The following RNF217 variants were observed in gnomAD, a reference collection of about 807,000 sequenced individuals.
RNF217 encodes the protein E3 ubiquitin-protein ligase RNF217.
A neutral mutation model predicts 57.8 loss-of-function variants in RNF217; 31 were observed. The observed-to-expected ratio is 0.54, with a 90% CI of 0.40 to 0.72. The LOEUF (loss-of-function observed/expected upper bound fraction) is 0.72. Ranked by LOEUF, RNF217 falls within the 30% of genes least tolerant of loss-of-function variation. RNF217 has a pLI of 0.00. For synonymous variants in RNF217, 313 were observed against 294.0 expected (o/e 1.06, Z -0.66); for missense variants, 696 against 708.3 (o/e 0.98, Z 0.20).
intron 1 of RNF217, among the ~76,000 whole-genome samples, chr6:125,035,098 C>T (rs1055195935): frequency 3.3e-5 from 5 of 152,130 alleles, no homozygotes; most frequent in African/African-American, 1.2e-4. Flanking sequence ...AGATTTTGGG[C>T]AGAGACAATG....
At position 125,082,917 on chromosome 6, in the gene RNF217, C is replaced by T. The variant is rs749010970; in HGVS notation, c.1609C>T (p.Arg537Trp). ...CLCKKQRKRS[R>W]TGMHW ...TTGTAAAAAACAGAGAAAACGATCA[C>T]GGACAGGTATGCACTGGTAACATGC... Residue 537 changes from arginine to tryptophan, a missense_variant, in exon 6 of 6, where the codon CGG becomes TGG. By Grantham distance (101) the Arg-to-Trp change is moderately radical (BLOSUM62 -3). Coordinates refer to ENST00000521654, the MANE Select transcript of RNF217 (RefSeq NM_001286398.3). 8.1e-6 allele frequency: 13 copies of T among 1,604,660 alleles called. No individual in the cohort carries two copies. The highest frequency in any genetic ancestry group is 1.7e-4 in the Middle Eastern group (1 of 6,044).
chr6:124,962,736 C>T lies in RNF217; in HGVS notation c.192C>T (p.Thr64=), dbSNP rs776224039. 216 of 1,571,792 alleles carry T rather than the reference C, an allele frequency of 1.4e-4. No individual in the cohort carries two copies. The highest frequency in any genetic ancestry group is 6.9e-4 in the African/African-American group (51 of 73,978). ...GAAGCGACTGGGGCTGCGCGGACAC[C>T]AGCGCCCCAGAGCCCGCGAGGAGCC... is the stretch of plus-strand genomic sequence containing the variant. ...GCGSDWGCAD[T]SAPEPARSLG... is the part of the protein sequence containing the mutation. The change falls in exon 1 of 6, where the codon ACC becomes ACT. Residue 64 remains threonine (T), a synonymous_variant. Coordinates refer to ENST00000521654, the MANE Select transcript of RNF217 (RefSeq NM_001286398.3). The surrounding 1 kb of genome is among the most constrained non-coding windows in gnomAD (Gnocchi z 4.6).
intron 1 of RNF217, among the ~76,000 whole-genome samples, chr6:125,043,663 T>G (rs1057152612): frequency 6.6e-6 from 1 of 152,080 alleles, no homozygotes; most frequent in African/African-American, 2.4e-5. Flanking sequence ...AGTTTTGTCT[T>G]GAGGCAGAAC....
intron 2 of RNF217, among the ~76,000 whole-genome samples, chr6:125,056,195 C>G (rs1480967522): frequency 6.6e-6 from 1 of 152,068 alleles, no homozygotes; most frequent in East Asian, 1.9e-4. Flanking sequence ...GAAAATTATG[C>G]TAAACTTGGA....
chr6:125,028,496 G>C (rs1188134370), intron 1 of RNF217, among the ~76,000 whole-genome samples: 1 of 151,978 alleles, frequency 6.6e-6, no homozygotes, highest in South Asian at 2.1e-4. Context: ...AATGAATATA[G>C]TGCAAAATTT....
In RNF217 at chr6:124,995,884, T is replaced by A. The variant is rs1784731782; in HGVS notation, c.882+32458T>A. Among the ~76,000 whole-genome samples, 2 of 152,046 alleles carry A rather than the reference T, an allele frequency of 1.3e-5. 1 individual carries two copies. The highest frequency in any genetic ancestry group is 4.8e-5 in the African/African-American group (2 of 41,396). The stretch of plus-strand genomic sequence containing the variant: ...TTGCAGTGAGCCGAGATCGTGTCAT[T>A]GCACTCCAGCCTGGGTGATGAGCAA... On this transcript the variant is annotated intron_variant, in intron 1 of 5. Transcript: ENST00000521654.
intron 1 of RNF217, among the ~76,000 whole-genome samples, chr6:124,986,395 G>A (rs966694575): frequency 6.6e-6 from 1 of 152,194 alleles, no homozygotes; most frequent in Non-Finnish European, 1.5e-5. Context: ...TCATATTCAA[G>A]TACTGATCTT....
intron 1 of RNF217, among the ~76,000 whole-genome samples, chr6:125,036,928 A>T (rs960013148): frequency 2.7e-5 from 4 of 149,448 alleles, no homozygotes; most frequent in African/African-American, 9.8e-5. Context: ...ATAAAGCAGG[A>T]AATAACAGAT....
chr6:124,965,301 C>A (rs935455774), intron 1 of RNF217, among the ~76,000 whole-genome samples: 2 of 152,102 alleles, frequency 1.3e-5, no homozygotes, highest in African/African-American at 4.8e-5. Flanking sequence ...TGGCCGGGTG[C>A]GGTGGCTCAC....
At chr6:125,045,563 A>G (rs913232923) in intron 2 of RNF217, 119 bp downstream of exon 2, 2 of 674,470 alleles carry the variant, frequency 3.0e-6, no homozygotes, top group African/African-American at 3.6e-5. Context: ...AGGTGAGCAT[A>G]TATTGGCCAT....
chr6:125,030,267 A>G (rs1236709731), intron 1 of RNF217, among the ~76,000 whole-genome samples: 1 of 152,146 alleles, frequency 6.6e-6, no homozygotes, highest in Non-Finnish European at 1.5e-5. Context: ...GCCAAACCAT[A>G]TCATTCTGCC....
chr6:125,038,372 A>G (rs890341156), intron 1 of RNF217, among the ~76,000 whole-genome samples: 24 of 152,194 alleles, frequency 1.6e-4, no homozygotes, highest in Admixed American at 1.1e-3. Flanking sequence ...GATATATGGT[A>G]TCATGGTTAT....
intron 1 of RNF217, among the ~76,000 whole-genome samples, chr6:125,010,123 TC>T (rs1785362453): frequency 6.6e-6 from 1 of 151,962 alleles, no homozygotes; most frequent in Non-Finnish European, 1.5e-5. Context: ...CTGCATTTGA[TC>T]CATTTCATGT....
intron 1 of RNF217, among the ~76,000 whole-genome samples, chr6:124,984,957 T>G (rs1329042890): frequency 6.6e-6 from 1 of 152,154 alleles, no homozygotes; most frequent in Non-Finnish European, 1.5e-5. Flanking sequence ...ATATACAAAC[T>G]CATACAAATC....
chr6:125,063,807 CA>C (rs982405871), intron 3 of RNF217, among the ~76,000 whole-genome samples: 2 of 151,548 alleles, frequency 1.3e-5, no homozygotes, highest in Non-Finnish European at 2.9e-5. Context: ...AAGTAATGAC[CA>C]AAAAAGCAAG....
At chr6:125,068,096 C>T (rs1212682263) in intron 3 of RNF217, among the ~76,000 whole-genome samples, 1 of 152,028 alleles carries the variant, frequency 6.6e-6, no homozygotes, top group African/African-American at 2.4e-5. Flanking sequence ...TTATTAAGAA[C>T]ATGCTGTGTG....
At chr6:125,066,969 A>C (rs991756389) in intron 3 of RNF217, among the ~76,000 whole-genome samples, 1 of 147,200 alleles carries the variant, frequency 6.8e-6, no homozygotes, top group African/African-American at 2.6e-5. Flanking sequence ...AATGATAAAC[A>C]CTATTGCACT....
At position 125,090,946 on chromosome 6, in the gene RNF217, A is replaced by T. The variant is rs1046924054; in HGVS notation, c.*8009A>T. 6.6e-6 allele frequency: 1 copy of T among 152,016 alleles called. No homozygotes were observed. Among genetic ancestry groups the T allele is most frequent in the African/African-American group, 2.4e-5 (1 of 41,438 alleles). The allele number at this position is 152,016 out of a possible 1,614,324, so 9.4% of individuals were successfully genotyped here. Reference sequence around the variant, plus strand: ...TTTATGAAAGAGAGGGGTAGAGTAAATTTTTTAATTAGACAATGTTGATAT... The same window carrying T: ...TTTATGAAAGAGAGGGGTAGAGTAATTTTTTTAATTAGACAATGTTGATAT... On this transcript the variant is annotated 3_prime_UTR_variant, in exon 6 of 6. Coordinates refer to ENST00000521654, the MANE Select transcript of RNF217 (RefSeq NM_001286398.3).
intron 3 of RNF217, among the ~76,000 whole-genome samples, chr6:125,063,187 A>C (rs1787803584): frequency 6.6e-6 from 1 of 152,224 alleles, no homozygotes; most frequent in South Asian, 2.1e-4. Context: ...ACCACAGATT[A>C]GATACTAAAG....
Sources: gnomAD v4.1 joint callset for allele counts (sites outside exome capture counted in the v4.1 genomes callset) on GRCh38, gnomAD v4.1.1 for gene constraint, Gnocchi (gnomAD v3.1) non-coding constraint, MANE v1.5 for transcripts, NCBI Gene and HGNC (gene_info 2026-07-23, HGNC 2026-07-21) for gene names.